Variants in CNTN5 observed in about 807,000 individuals in gnomAD.
CNTN5 encodes the protein contactin 5.
A neutral mutation model predicts 129.1 loss-of-function variants in CNTN5; 77 were observed. That is an observed-to-expected ratio of 0.60 (90% CI 0.50 to 0.72). The LOEUF is 0.72. Among genes scored for constraint, CNTN5 ranks in the 30% least tolerant of loss-of-function variants. The pLI, the probability that CNTN5 is intolerant of heterozygous loss-of-function variation, is 0.00. For missense variants in CNTN5, 1,478 were observed against 1,328.8 expected (o/e 1.11, Z -1.75); for synonymous variants, 509 against 465.6 (o/e 1.09, Z -1.20).
rs139917095 is a variant in CNTN5, at chr11:99,084,108, C to A, written c.-210+62838C>A. Among the ~76,000 whole-genome samples the A allele has an allele frequency of 9.0e-4, 137 of 152,298 alleles. No homozygotes were observed. In the East Asian group the frequency reaches 0.023, roughly 25 times the overall value. ...TATCTTCTCCCCACCAACTACGTAT[C>A]CACACGTGCTACACTTGAGCATAAA... On this transcript the variant is annotated intron_variant, in intron 1 of 24. Transcript: ENST00000524871.
At chr11:99,665,576 C>CCT (rs1258983430) in intron 3 of CNTN5, among the ~76,000 whole-genome samples, 1 of 149,988 alleles carries the variant, frequency 6.7e-6, no homozygotes, top group African/African-American at 2.5e-5. Flanking sequence ...ACCTCCACCT[C>CCT]CTGGGTTCAA....
chr11:99,394,499 C>G (rs1159393747), intron 2 of CNTN5, among the ~76,000 whole-genome samples: 2 of 150,768 alleles, frequency 1.3e-5, no homozygotes, highest in Non-Finnish European at 3.0e-5. Flanking sequence ...TTATGAGAAA[C>G]TATTATATAA....
chr11:99,725,564 C>G (rs1169908628), intron 3 of CNTN5, among the ~76,000 whole-genome samples: 3 of 152,032 alleles, frequency 2.0e-5, no homozygotes, highest in Non-Finnish European at 4.4e-5. Flanking sequence ...GTAACGTTTT[C>G]TTCTCTTAAT....
intron 6 of CNTN5, among the ~76,000 whole-genome samples, chr11:99,873,378 C>T (rs1478430879): frequency 6.6e-6 from 1 of 151,764 alleles, no homozygotes; most frequent in East Asian, 1.9e-4. Flanking sequence ...AAAAAACTAA[C>T]AACCCCATTA....
intron 2 of CNTN5, among the ~76,000 whole-genome samples, chr11:99,410,986 T>C (rs566444858): frequency 9.8e-5 from 15 of 152,342 alleles, no homozygotes; most frequent in Admixed American, 2.6e-4. Context: ...TATTTGCGTA[T>C]ATTGAGCTGC....
chr11:100,163,289 T>C (rs1418720247), intron 13 of CNTN5, among the ~76,000 whole-genome samples: 1 of 151,832 alleles, frequency 6.6e-6, no homozygotes, highest in African/African-American at 2.4e-5. Context: ...CACTTATAAT[T>C]GTTTATATTA....
chr11:99,940,487 C>A (rs957917250), intron 7 of CNTN5, among the ~76,000 whole-genome samples: 2 of 152,032 alleles, frequency 1.3e-5, no homozygotes, highest in Admixed American at 1.3e-4. Flanking sequence ...ACCTAGTGTT[C>A]TCATAAAGAT....
intron 8 of CNTN5, among the ~76,000 whole-genome samples, chr11:99,964,741 C>G (rs550461758): frequency 6.6e-6 from 1 of 152,128 alleles, no homozygotes; most frequent in Non-Finnish European, 1.5e-5. Flanking sequence ...ATGGTACCAG[C>G]TCCTTCTTGT....
chr11:100,160,746 C>T (rs772622123), intron 13 of CNTN5, among the ~76,000 whole-genome samples: 9 of 151,838 alleles, frequency 5.9e-5, no homozygotes, highest in Non-Finnish European at 8.8e-5. Context: ...TAACATGCAC[C>T]GTATGCCAGG....
chr11:99,063,534 A>AACTG (rs1864973321), intron 1 of CNTN5, among the ~76,000 whole-genome samples: 1 of 139,000 alleles, frequency 7.2e-6, no homozygotes, highest in Non-Finnish European at 1.5e-5. Flanking sequence ...ATAAATAAAT[A>AACTG]AATAAATAAA....
intron 1 of CNTN5, among the ~76,000 whole-genome samples, chr11:99,218,837 G>C (rs557003608): frequency 6.6e-6 from 1 of 152,004 alleles, no homozygotes; most frequent in Non-Finnish European, 1.5e-5. Context: ...GAACTTCTAG[G>C]ATTTGCCTTA....
At chr11:99,569,825 T>A (rs1484184411) in intron 3 of CNTN5, among the ~76,000 whole-genome samples, 1 of 152,156 alleles carries the variant, frequency 6.6e-6, no homozygotes, top group Non-Finnish European at 1.5e-5. Context: ...GGATGAATAA[T>A]TTTACATTCT....
At chr11:99,297,281 T>A (rs1408778865) in intron 1 of CNTN5, among the ~76,000 whole-genome samples, 1 of 152,302 alleles carries the variant, frequency 6.6e-6, no homozygotes, top group East Asian at 1.9e-4. Flanking sequence ...GAAGCGACAC[T>A]GAAAAGTTCA....
At chr11:99,722,583 A>G (rs939834082) in intron 3 of CNTN5, among the ~76,000 whole-genome samples, 1 of 152,050 alleles carries the variant, frequency 6.6e-6, no homozygotes, top group Middle Eastern at 3.2e-3. Flanking sequence ...CTGTGACACA[A>G]GTTTTCCTAT....
chr11:99,785,080 A>C (rs562456612), intron 3 of CNTN5, among the ~76,000 whole-genome samples: 1 of 151,898 alleles, frequency 6.6e-6, no homozygotes, highest in South Asian at 2.1e-4. Context: ...ATGCCTCCCA[A>C]AGTGCTGGGA....
intron 9 of CNTN5, among the ~76,000 whole-genome samples, chr11:100,036,891 A>T (rs902001871): frequency 6.9e-6 from 1 of 145,444 alleles, no homozygotes; most frequent in Non-Finnish European, 1.5e-5. Context: ...GGTTTTCTGG[A>T]TGTGCATTCA....
At chr11:99,190,157 G>T (rs1272924987) in intron 1 of CNTN5, among the ~76,000 whole-genome samples, 1 of 151,486 alleles carries the variant, frequency 6.6e-6, no homozygotes, top group Admixed American at 6.6e-5. Context: ...AGACTGTCCT[G>T]TTCCATTTTG....
chr11:99,094,338 T>A (rs1027109437), intron 1 of CNTN5, among the ~76,000 whole-genome samples: 3 of 152,054 alleles, frequency 2.0e-5, no homozygotes, highest in Admixed American at 2.0e-4. Context: ...CTGAGGGAAC[T>A]TGGATTTCTG....
chr11:99,152,718 T>C (rs1181739761), intron 1 of CNTN5, among the ~76,000 whole-genome samples: 1 of 152,212 alleles, frequency 6.6e-6, no homozygotes, highest in Non-Finnish European at 1.5e-5. Flanking sequence ...CCAGACTTCA[T>C]TGTGTGGTTG....
Sources: allele counts gnomAD v4.1 joint callset (sites outside exome capture counted in the v4.1 genomes callset), GRCh38; gene constraint gnomAD v4.1.1; transcripts MANE v1.5; gene names NCBI Gene and HGNC (gene_info 2026-07-23, HGNC 2026-07-21).